The following SNTG1 variants were observed in gnomAD, a reference collection of about 807,000 sequenced individuals.
SNTG1 encodes the protein syntrophin gamma 1.
SNTG1 carries 39 observed loss-of-function variants against 74.7 expected under a neutral mutation model. That is an observed-to-expected ratio of 0.52 (90% confidence interval 0.40 to 0.68). The LOEUF is 0.68. Ranked by LOEUF, SNTG1 falls within the 30% of genes least tolerant of loss-of-function variation. The pLI is 0.00. For synonymous variants in SNTG1, 254 were observed against 217.1 expected (o/e 1.17, Z -1.49); for missense variants, 685 against 609.5 (o/e 1.12, Z -1.30).
intron 8 of SNTG1, among the ~76,000 whole-genome samples, chr8:50,471,028 T>C (rs1306558255): frequency 6.6e-6 from 1 of 152,076 alleles, no homozygotes; most frequent in East Asian, 1.9e-4. Flanking sequence ...GGTGTGTTTT[T>C]ACAGAGTGCT....
intron 2 of SNTG1, among the ~76,000 whole-genome samples, chr8:50,389,716 C>A (rs2092627673): frequency 6.6e-6 from 1 of 152,150 alleles, no homozygotes; most frequent in Non-Finnish European, 1.5e-5. Context: ...TAAAAGTGTT[C>A]CTATTTCTCC....
At chr8:50,331,856 A>G (rs574856215) in intron 2 of SNTG1, among the ~76,000 whole-genome samples, 30 of 152,352 alleles carry the variant, frequency 2.0e-4, no homozygotes, top group African/African-American at 7.0e-4. Flanking sequence ...AAGATGCTAT[A>G]ATCTAAAGTG....
At chr8:50,318,205 A>T (rs2090388365) in intron 2 of SNTG1, among the ~76,000 whole-genome samples, 1 of 152,082 alleles carries the variant, frequency 6.6e-6, no homozygotes, top group Non-Finnish European at 1.5e-5. Flanking sequence ...GAACTGTCTC[A>T]TGTCACTTTT....
At chr8:49,934,017 A>C (rs1807823216) in intron 1 of SNTG1, among the ~76,000 whole-genome samples, 1 of 152,214 alleles carries the variant, frequency 6.6e-6, no homozygotes, top group Non-Finnish European at 1.5e-5. Context: ...CAACAAATTC[A>C]TAACAGAAAT....
chr8:50,038,160 C>T (rs1818320666), intron 1 of SNTG1, among the ~76,000 whole-genome samples: 1 of 152,142 alleles, frequency 6.6e-6, no homozygotes, highest in Non-Finnish European at 1.5e-5. Context: ...CATAGGTGGT[C>T]TCCTTGCCTT....
At position 50,658,582 on chromosome 8, in the gene SNTG1, T is replaced by C. The variant is rs750574310; in HGVS notation, c.967-10T>C. 6.3e-7 allele frequency: 1 copy of C among 1,574,886 alleles called. No homozygotes were observed. The highest frequency in any genetic ancestry group is 8.7e-7 in the Non-Finnish European group (1 of 1,150,684). On this transcript the variant is annotated splice_polypyrimidine_tract_variant and intron_variant, in intron 14 of 18. Coordinates refer to ENST00000642720, the MANE Select transcript of SNTG1 (RefSeq NM_018967.5). ...AAACAAATTAAACATTATTTTCTTA[T>C]CTTTTAAAGGTGACCACCTGGGACT...
chr8:50,656,571 C>A lies in SNTG1; in HGVS notation c.850-338C>A, dbSNP rs570508322. On this transcript the variant is annotated intron_variant, in intron 13 of 18. Coordinates refer to ENST00000642720, the MANE Select transcript of SNTG1 (RefSeq NM_018967.5). The stretch of plus-strand genomic sequence containing the variant: ...AATGTCAGTAATTGGTAAACAAGTG[C>A]GATGCATCAATGAATTCTATTATAA... 2.5e-3 allele frequency among the ~76,000 whole-genome samples: 376 copies of A among 152,056 alleles called. 3 individuals are homozygous for A. The highest frequency in any genetic ancestry group is 8.5e-3 in the South Asian group (41 of 4,824).
chr8:50,436,030 C>A (rs2093298648), intron 4 of SNTG1, among the ~76,000 whole-genome samples: 1 of 152,218 alleles, frequency 6.6e-6, no homozygotes, highest in African/African-American at 2.4e-5. Context: ...TATTGAGCAG[C>A]AATTACTGAC....
chr8:50,733,886 A>G (rs1364590533), intron 17 of SNTG1, among the ~76,000 whole-genome samples: 3 of 151,724 alleles, frequency 2.0e-5, no homozygotes, highest in Non-Finnish European at 1.5e-5. Flanking sequence ...ATATGCATTA[A>G]TTTTACTAAA....
At chr8:50,143,757 A>G (rs1351192704) in intron 1 of SNTG1, among the ~76,000 whole-genome samples, 2 of 152,220 alleles carry the variant, frequency 1.3e-5, no homozygotes, top group South Asian at 2.1e-4. Context: ...GATATGTCAC[A>G]TATTCCTGAG....
intron 2 of SNTG1, among the ~76,000 whole-genome samples, chr8:50,350,930 G>C (rs543209746): frequency 5.3e-5 from 8 of 152,326 alleles, no homozygotes; most frequent in East Asian, 1.9e-4. Flanking sequence ...GTGGCAACCC[G>C]TAGGTCCCCT....
chr8:50,291,289 T>C (rs1024788427), intron 2 of SNTG1, among the ~76,000 whole-genome samples: 5 of 150,864 alleles, frequency 3.3e-5, no homozygotes, highest in Non-Finnish European at 4.4e-5. Flanking sequence ...TGTCAGATAA[T>C]GAAAAGGACT....
intron 13 of SNTG1, among the ~76,000 whole-genome samples, chr8:50,598,573 T>C (rs755276164): frequency 6.6e-6 from 1 of 151,984 alleles, no homozygotes; most frequent in Non-Finnish European, 1.5e-5. Context: ...GTCTTTTACA[T>C]TTCCATATGA....
intron 2 of SNTG1, among the ~76,000 whole-genome samples, chr8:50,296,226 C>T (rs2089363188): frequency 6.6e-6 from 1 of 151,994 alleles, no homozygotes; most frequent in Non-Finnish European, 1.5e-5. Context: ...GGATATAGAA[C>T]CAGAAATACT....
chr8:49,942,942 T>C (rs1449054208), intron 1 of SNTG1, among the ~76,000 whole-genome samples: 4 of 152,334 alleles, frequency 2.6e-5, no homozygotes, highest in African/African-American at 9.6e-5. Flanking sequence ...GATTTAGGCT[T>C]CATCTCTTGA....
chr8:50,341,439 T>C (rs937320746), intron 2 of SNTG1, among the ~76,000 whole-genome samples: 1 of 151,964 alleles, frequency 6.6e-6, no homozygotes, highest in Non-Finnish European at 1.5e-5. Context: ...AATAGTGAGC[T>C]AATATGATAA....
Position 50,248,453 on chromosome 8 carries a change from C to T in SNTG1, c.-28+75818C>T, listed in dbSNP as rs183619008. The stretch of plus-strand genomic sequence containing the variant: ...CATTTCCAAAAGTTGATTTACTTGT[C>T]CCAAAGATTTTTTCTTTGCTTGACA... On this transcript the variant is annotated intron_variant, in intron 2 of 18. Transcript: ENST00000642720. Among the ~76,000 whole-genome samples, 25 of 152,292 alleles carry T rather than the reference C, an allele frequency of 1.6e-4. No homozygotes were observed. In the East Asian group the frequency reaches 3.3e-3, roughly 20 times the overall value.
chr8:50,749,805 A>G (rs778988052), intron 17 of SNTG1, among the ~76,000 whole-genome samples: 1 of 151,996 alleles, frequency 6.6e-6, no homozygotes, highest in Non-Finnish European at 1.5e-5. Flanking sequence ...ATTCCTTTCA[A>G]AATAATACGG....
At chr8:50,379,905 T>C (rs1008867367) in intron 2 of SNTG1, among the ~76,000 whole-genome samples, 3 of 152,140 alleles carry the variant, frequency 2.0e-5, no homozygotes, top group African/African-American at 7.2e-5. Context: ...GAGAATGGAA[T>C]GTGAATGGGC....
Sources: gnomAD v4.1 joint callset for allele counts (sites outside exome capture counted in the v4.1 genomes callset) on GRCh38, gnomAD v4.1.1 for gene constraint, MANE v1.5 for transcripts, NCBI Gene and HGNC (gene_info 2026-07-23, HGNC 2026-07-21) for gene names.